The following ZMAT1 variants were observed in gnomAD, a reference collection of about 807,000 sequenced individuals.
ZMAT1 encodes zinc finger matrin-type 1, also known as zinc finger matrin-type protein 1.
A neutral mutation model predicts 18.5 loss-of-function variants in ZMAT1; 11 were observed. The ratio of observed to expected loss-of-function variants is 0.59; its 90% CI spans 0.37 to 0.98. The LOEUF (loss-of-function observed/expected upper bound fraction) is 0.98. Among genes scored for constraint, ZMAT1 ranks in the 50% least tolerant of loss-of-function variants. The pLI is 0.01. For synonymous variants in ZMAT1, 211 were observed against 176.4 expected (o/e 1.20, Z -1.55); for missense variants, 525 against 496.2 (o/e 1.06, Z -0.55).
intron 1 of ZMAT1, among the ~76,000 whole-genome samples, chrX:101,916,997 A>C (rs767899752): frequency 1.8e-5 from 2 of 111,833 alleles, no homozygotes; most frequent in South Asian, 3.7e-4. Flanking sequence ...TATGCAGAAA[A>C]ATGCAGCTAG....
chrX:101,899,261 A>T (rs917968571), intron 2 of ZMAT1, among the ~76,000 whole-genome samples: 1 of 111,810 alleles, frequency 8.9e-6, no homozygotes, highest in Admixed American at 9.5e-5. Flanking sequence ...ACATAATGTG[A>T]GATAATCACT....
At chrX:101,919,958 T>C (rs1194791935) in intron 1 of ZMAT1, among the ~76,000 whole-genome samples, 2 of 109,604 alleles carry the variant, frequency 1.8e-5, no homozygotes, top group Non-Finnish European at 3.8e-5. Context: ...AAGGAAAGAA[T>C]AGAAGAGGTA....
At chrX:101,920,043 C>T (rs868463326) in intron 1 of ZMAT1, among the ~76,000 whole-genome samples, 6 of 93,990 alleles carry the variant, frequency 6.4e-5, no homozygotes, top group African/African-American at 1.6e-4. Flanking sequence ...ATTTATTACA[C>T]TTTTTTTTTT....
At chrX:101,920,471 AAT>A (rs1929647591) in intron 1 of ZMAT1, among the ~76,000 whole-genome samples, 2 of 111,918 alleles carry the variant, frequency 1.8e-5, no homozygotes, top group African/African-American at 6.5e-5. Context: ...TAATAAAATA[AAT>A]ATGTTGATGC....
At chrX:101,930,628 C>G (rs1011367546) in intron 1 of ZMAT1, among the ~76,000 whole-genome samples, 16 of 112,193 alleles carry the variant, frequency 1.4e-4, no homozygotes, top group Admixed American at 2.8e-4. Context: ...TTACTTTCCT[C>G]TATTTTGGTG....
chrX:101,931,801 C>T lies in ZMAT1; in HGVS notation c.208G>A (p.Gly70Ser). Residue 70 changes from glycine (G) to serine (S), a missense_variant, in exon 1 of 6, where the codon GGC (glycine) becomes AGC (serine). Transcript: ENST00000651725. ...PAGGCGDGGGGGFGGSTMAAA... is the reference protein window; with the variant it reads ...PAGGCGDGGGSGFGGSTMAAA... ...GCCATAGTGGAGCCGCCAAAGCCGC[C>T]GCCGCCGCCGTCGCCACAGCCACCG... 1 of 782,525 alleles carries T rather than the reference C, an allele frequency of 1.3e-6. No homozygotes were observed. The highest frequency in any genetic ancestry group is 5.2e-5 in the South Asian group (1 of 19,073). The allele number at this position is 782,525 out of a possible 1,213,427, so 64.5% of individuals were successfully genotyped here.
At chrX:101,886,760 A>T (rs965390551) in intron 4 of ZMAT1, 29 bp from the exon 5 acceptor site, 25 of 1,036,048 alleles carry the variant, frequency 2.4e-5, no homozygotes, top group Non-Finnish European at 3.3e-5. Context: ...CAAGTTAAGA[A>T]GGTCAGTATA....
intron 4 of ZMAT1, among the ~76,000 whole-genome samples, chrX:101,892,430 A>G (rs994952139): frequency 1.8e-5 from 2 of 111,470 alleles, no homozygotes; most frequent in Non-Finnish European, 3.8e-5. Context: ...AAGGAGAAAT[A>G]GTTCTAAGAT....
Position 101,884,157 on chromosome X carries a change from T to C in ZMAT1, c.1441A>G (p.Thr481Ala). ...TCAACCATTTCTCTGTTCCTGTGTG[T>C]TTCTACAGAGCTATCTCCTATCTTT... ...FRKIGDSSVE[T>A]HRNREMVDVR... Residue 481 changes from threonine to alanine, a missense_variant, in exon 6 of 6, where the codon ACA becomes GCA. Transcript: ENST00000651725. 1.7e-6 allele frequency: 2 copies of C among 1,210,973 alleles called. No individual in the cohort carries two copies. The highest frequency in any genetic ancestry group is 2.2e-6 in the Non-Finnish European group (2 of 895,324).
intron 1 of ZMAT1, among the ~76,000 whole-genome samples, chrX:101,925,157 T>C (rs1033829587): frequency 8.9e-6 from 1 of 112,401 alleles, no homozygotes; most frequent in African/African-American, 3.2e-5. Context: ...TTTGCTACCA[T>C]GACATAAACA....
chrX:101,900,809 T>C (rs1249682930), intron 2 of ZMAT1, among the ~76,000 whole-genome samples: 2 of 111,657 alleles, frequency 1.8e-5, no homozygotes, highest in South Asian at 3.7e-4. Context: ...CCATATGAAG[T>C]TTAGAATTGT....
intron 1 of ZMAT1, among the ~76,000 whole-genome samples, chrX:101,928,251 T>C (rs571234813): frequency 1.8e-5 from 2 of 112,810 alleles, no homozygotes; most frequent in African/African-American, 6.4e-5. Flanking sequence ...CTGTGTTTAA[T>C]TTGTCCGTAT....
At chrX:101,903,937 C>T (rs1246173387) in intron 2 of ZMAT1, among the ~76,000 whole-genome samples, 1 of 111,540 alleles carries the variant, frequency 9.0e-6, no homozygotes, top group Non-Finnish European at 1.9e-5. Context: ...CATAATGCCT[C>T]ACTTATATTT....
At chrX:101,910,452 G>A (rs747822574) in intron 1 of ZMAT1, among the ~76,000 whole-genome samples, 1 of 112,790 alleles carries the variant, frequency 8.9e-6, no homozygotes, top group Non-Finnish European at 1.9e-5. Flanking sequence ...ACCAATCCTG[G>A]AGAAACAGAA....
intron 1 of ZMAT1, among the ~76,000 whole-genome samples, chrX:101,913,107 A>G (rs1028511384): frequency 1.8e-5 from 2 of 112,120 alleles, no homozygotes; most frequent in African/African-American, 6.5e-5. Flanking sequence ...AGTTGTTAGC[A>G]GTTTAAAATA....
At chrX:101,898,946 G>C (rs1321245611) in intron 2 of ZMAT1, among the ~76,000 whole-genome samples, 3 of 111,083 alleles carry the variant, frequency 2.7e-5, no homozygotes, top group Non-Finnish European at 5.7e-5. Context: ...TACTCAGGAG[G>C]CTGAGGCAGG....
chrX:101,912,431 C>T (rs1199899645), intron 1 of ZMAT1, among the ~76,000 whole-genome samples: 1 of 112,407 alleles, frequency 8.9e-6, no homozygotes, highest in Non-Finnish European at 1.9e-5. Flanking sequence ...GTATTCCAAA[C>T]CAGAGATGTT....
chrX:101,915,814 C>T (rs907220710), intron 1 of ZMAT1: 3 of 112,044 alleles, frequency 2.7e-5, no homozygotes, highest in African/African-American at 9.7e-5. Flanking sequence ...TTATTTCAAC[C>T]ATTGTGGAAG....
intron 5 of ZMAT1, 113 bp downstream of exon 5, chrX:101,886,519 G>A: frequency 2.1e-6 from 1 of 486,529 alleles, no homozygotes; most frequent in Non-Finnish European, 3.5e-6. Flanking sequence ...CCATACCCAG[G>A]TTAAACCCAT....
Sources: gnomAD v4.1 joint callset for allele counts (sites outside exome capture counted in the v4.1 genomes callset) on GRCh38, gnomAD v4.1.1 for gene constraint, MANE v1.5 for transcripts, NCBI Gene and HGNC (gene_info 2026-07-23, HGNC 2026-07-21) for gene names.